The following GSTCD variants were observed in gnomAD, a reference collection of about 807,000 sequenced individuals.
GSTCD encodes the protein glutathione S-transferase C-terminal domain containing.
In GSTCD, 44 loss-of-function variants were observed where a neutral mutation model predicts 68.3. The ratio of observed to expected loss-of-function variants is 0.64; its 90% confidence interval spans 0.51 to 0.83. The LOEUF (loss-of-function observed/expected upper bound fraction) is 0.83, where lower values mean the gene tolerates loss of function less well. GSTCD is among the 40% of genes least tolerant of loss of function. The pLI, the probability that GSTCD is intolerant of heterozygous loss-of-function variation, is 0.00. For synonymous variants in GSTCD, 273 were observed against 255.2 expected, an observed-to-expected ratio of 1.07 and a Z score of -0.67; for missense variants, 739 against 735.9, an observed-to-expected ratio of 1.00 and a Z score of -0.05.
chr4:105,737,235 C>A (rs1276178152), intron 5 of GSTCD, among the ~76,000 whole-genome samples: 2 of 152,120 alleles, frequency 1.3e-5, no homozygotes, highest in Non-Finnish European at 2.9e-5. Context: ...TTCTTTGCAT[C>A]CTCACCATGT....
chr4:105,785,001 GGTA>G, intron 5 of GSTCD, among the ~76,000 whole-genome samples: 1 of 152,152 alleles, frequency 6.6e-6, no homozygotes, highest in African/African-American at 2.4e-5. Flanking sequence ...AATAGCTACT[GGTA>G]TGCTACTGCT....
At chr4:105,827,551 T>G (rs1164145734) in intron 8 of GSTCD, among the ~76,000 whole-genome samples, 1 of 152,182 alleles carries the variant, frequency 6.6e-6, no homozygotes, top group African/African-American at 2.4e-5. Flanking sequence ...GAGAATAATT[T>G]GCCTAGGAGA....
rs553791410 is a variant in GSTCD at position 105,835,307 on chromosome 4, A to C, written c.1664+713A>C. 3.9e-5 allele frequency among the ~76,000 whole-genome samples: 6 copies of C among 152,230 alleles called. No homozygotes were observed. In the South Asian group the frequency reaches 1.2e-3, roughly 32 times the overall value. ...CTTTTGGCTTGCACTACCAGCACAGATCCCACACCTGCCAAGGGTGAGCCA... is the reference window on the plus strand; with the variant it reads ...CTTTTGGCTTGCACTACCAGCACAGCTCCCACACCTGCCAAGGGTGAGCCA... On this transcript the variant is annotated intron_variant, in intron 9 of 11. Transcript: ENST00000515279.
chr4:105,803,819 CTG>C (rs1736198386), intron 5 of GSTCD, among the ~76,000 whole-genome samples: 1 of 151,764 alleles, frequency 6.6e-6, no homozygotes, highest in Non-Finnish European at 1.5e-5. Context: ...AACTTCAAAT[CTG>C]AATGATATAT....
At chr4:105,788,043 A>G (rs1028696609) in intron 5 of GSTCD, among the ~76,000 whole-genome samples, 2 of 152,040 alleles carry the variant, frequency 1.3e-5, no homozygotes, top group Non-Finnish European at 2.9e-5. Flanking sequence ...TGCTTTTAGT[A>G]CAGAGTTGTG....
At chr4:105,738,787 G>A (rs1733541502) in intron 5 of GSTCD, among the ~76,000 whole-genome samples, 1 of 152,052 alleles carries the variant, frequency 6.6e-6, no homozygotes. Context: ...CTGCAAATAG[G>A]GACAATTTGA....
chr4:105,723,129 C>G (rs995090792), intron 3 of GSTCD, among the ~76,000 whole-genome samples: 1 of 151,806 alleles, frequency 6.6e-6, no homozygotes. Flanking sequence ...GTCACTAGAA[C>G]GAAGAGTACA....
intron 1 of GSTCD, among the ~76,000 whole-genome samples, chr4:105,715,118 C>G (rs1732645319): frequency 6.6e-6 from 1 of 152,072 alleles, no homozygotes. Flanking sequence ...TTTTACTCTC[C>G]TACTGTCAGG....
chr4:105,797,321 A>G (rs1416239490), intron 5 of GSTCD, among the ~76,000 whole-genome samples: 2 of 151,986 alleles, frequency 1.3e-5, no homozygotes, highest in African/African-American at 4.8e-5. Flanking sequence ...ATATACCAGC[A>G]TACCTTGGCG....
intron 5 of GSTCD, among the ~76,000 whole-genome samples, chr4:105,818,403 A>C (rs1723111318): frequency 6.6e-6 from 1 of 151,858 alleles, no homozygotes; most frequent in South Asian, 2.1e-4. Flanking sequence ...AAAGGGAACA[A>C]ATTATATAAA....
At chr4:105,759,284 T>C (rs1734311592) in intron 5 of GSTCD, among the ~76,000 whole-genome samples, 1 of 152,090 alleles carries the variant, frequency 6.6e-6, no homozygotes, top group South Asian at 2.1e-4. Flanking sequence ...CCTCTCTACA[T>C]TGTGCTAACG....
intron 5 of GSTCD, among the ~76,000 whole-genome samples, chr4:105,758,431 C>T (rs1026954980): frequency 2.6e-5 from 4 of 152,106 alleles, no homozygotes; most frequent in African/African-American, 7.2e-5. Flanking sequence ...TGAGTTCTCA[C>T]GAGATATGGT....
intron 5 of GSTCD, among the ~76,000 whole-genome samples, chr4:105,779,556 G>A (rs149949035): frequency 6.6e-6 from 1 of 152,160 alleles, no homozygotes; most frequent in East Asian, 1.9e-4. Flanking sequence ...TTCTCTGCAA[G>A]GTTCTCTGTC....
chr4:105,825,839 A>G, intron 8 of GSTCD, 39 bp downstream of exon 8: 1 of 1,274,784 alleles, frequency 7.8e-7, no homozygotes, highest in Non-Finnish European at 1.1e-6. Context: ...TAATTAGCTA[A>G]ATAAGAAAAA....
intron 8 of GSTCD, among the ~76,000 whole-genome samples, chr4:105,827,930 T>A (rs1723717634): frequency 6.6e-6 from 1 of 152,100 alleles, no homozygotes; most frequent in Admixed American, 6.5e-5. Flanking sequence ...TTAATACCCA[T>A]GCTCTCAAAC....
intron 5 of GSTCD, among the ~76,000 whole-genome samples, chr4:105,810,476 T>C (rs528318268): frequency 6.6e-6 from 1 of 152,126 alleles, no homozygotes; most frequent in Non-Finnish European, 1.5e-5. Context: ...TCAGAGAAGA[T>C]AATGAGGTGT....
intron 5 of GSTCD, among the ~76,000 whole-genome samples, chr4:105,799,121 A>G (rs1219938122): frequency 6.6e-6 from 1 of 152,076 alleles, no homozygotes; most frequent in Non-Finnish European, 1.5e-5. Context: ...CTAGGCTCCA[A>G]TTTTTCTTGT....
chr4:105,712,414 G>C (rs1300221135), intron 1 of GSTCD: 1 of 152,266 alleles, frequency 6.6e-6, no homozygotes, highest in African/African-American at 2.4e-5. Flanking sequence ...ATGGCTGGAA[G>C]GGAGTGAAGA....
At chr4:105,722,055 G>A (rs1276128201) in intron 3 of GSTCD, among the ~76,000 whole-genome samples, 1 of 152,030 alleles carries the variant, frequency 6.6e-6, no homozygotes, top group African/African-American at 2.4e-5. Context: ...AAACATTATT[G>A]TACGCCTATA....
Sources: allele counts gnomAD v4.1 joint callset (sites outside exome capture counted in the v4.1 genomes callset), GRCh38; gene constraint gnomAD v4.1.1; transcripts MANE v1.5; gene names NCBI Gene and HGNC (gene_info 2026-07-23, HGNC 2026-07-21).